Variants in CPXM2 observed in about 807,000 individuals in gnomAD.
CPXM2 encodes inactive carboxypeptidase-like protein X2.
A neutral mutation model predicts 86.1 loss-of-function variants in CPXM2; 66 were observed. That is an observed-to-expected ratio of 0.77 (90% CI 0.63 to 0.94). CPXM2 has a LOEUF of 0.94. CPXM2 is among the 40% of genes least tolerant of loss of function. The pLI, the probability that CPXM2 is intolerant of heterozygous loss-of-function variation, is 0.00. For missense variants in CPXM2, 948 were observed against 1,026.3 expected, an observed-to-expected ratio of 0.92 and a Z score of 1.04; for synonymous variants, 388 against 400.2, an observed-to-expected ratio of 0.97 and a Z score of 0.36.
chr10:123,852,754 T>C (rs975137267), intron 3 of CPXM2, among the ~76,000 whole-genome samples: 5 of 152,158 alleles, frequency 3.3e-5, no homozygotes, highest in South Asian at 2.1e-4. Context: ...GCTCAAGCCA[T>C]CCCCTCTGCC....
At chr10:123,877,064 C>T (rs1342959640) in intron 2 of CPXM2, among the ~76,000 whole-genome samples, 2 of 152,170 alleles carry the variant, frequency 1.3e-5, no homozygotes, top group Non-Finnish European at 2.9e-5. Flanking sequence ...AGGCTTAAAG[C>T]TTGGGACACA....
At chr10:123,804,750 C>G (rs1375394481) in intron 4 of CPXM2, among the ~76,000 whole-genome samples, 2 of 152,200 alleles carry the variant, frequency 1.3e-5, no homozygotes, top group Non-Finnish European at 2.9e-5. Flanking sequence ...TAACTGACAT[C>G]CCAGCCTCAT....
At chr10:123,883,543 G>A (rs1048441505) in intron 1 of CPXM2, among the ~76,000 whole-genome samples, 14 of 152,250 alleles carry the variant, frequency 9.2e-5, no homozygotes, top group African/African-American at 3.4e-4. Flanking sequence ...GCCTCACTGA[G>A]CAAGACCTCT....
At chr10:123,851,364 C>T (rs1336288752) in intron 3 of CPXM2, among the ~76,000 whole-genome samples, 1 of 152,230 alleles carries the variant, frequency 6.6e-6, no homozygotes, top group Non-Finnish European at 1.5e-5. Context: ...CAAGCTCCAG[C>T]CTGAGGCAGA....
At chr10:123,793,459 T>G in intron 6 of CPXM2, among the ~76,000 whole-genome samples, 1 of 86,442 alleles carries the variant, frequency 1.2e-5, no homozygotes, top group African/African-American at 6.8e-5. Context: ...CGAGACTCCG[T>G]CTCAAAAAAA....
At chr10:123,888,874 G>T (rs1430977988) in intron 1 of CPXM2, among the ~76,000 whole-genome samples, 1 of 152,174 alleles carries the variant, frequency 6.6e-6, no homozygotes, top group Non-Finnish European at 1.5e-5. Flanking sequence ...TGAGTCTCTA[G>T]ATCTTCCGAA....
At position 123,752,005 on chromosome 10, in the gene CPXM2, C is replaced by T. The variant is rs924171889; in HGVS notation, c.2017+2658G>A. 8 of 985,310 alleles carry T rather than the reference C, an allele frequency of 8.1e-6. No individual in the cohort carries two copies. In the African/African-American group the frequency reaches 1.4e-4, roughly 17 times the overall value. 61.0% of individuals were successfully genotyped at this position (985,310 alleles called of 1,614,324 possible). A position where few individuals can be genotyped will look rare whatever the true frequency, so the allele number is the denominator to read the frequency against. On this transcript the variant is annotated intron_variant, in intron 13 of 13. Transcript: ENST00000241305. ...GGCCCCAGGGTCTTTTTATCTCCCA[C>T]TCAGTTCAAAACTCCCACATTTTCT...
intron 3 of CPXM2, among the ~76,000 whole-genome samples, chr10:123,858,710 G>A (rs1176424625): frequency 6.6e-6 from 1 of 152,146 alleles, no homozygotes; most frequent in Non-Finnish European, 1.5e-5. Context: ...ATAATGCTTG[G>A]AGCTGATTCC....
At position 123,862,651 on chromosome 10, in the gene CPXM2, T is replaced by C. The variant is rs1848877916; in HGVS notation, c.476A>G (p.Tyr159Cys). 1 of 1,614,202 alleles carries C rather than the reference T, an allele frequency of 6.2e-7. No homozygotes were observed. Among genetic ancestry groups the C allele is most frequent in the African/African-American group, 1.3e-5 (1 of 75,052 alleles). Reference protein sequence around the residue: ...FQLHASTVKRYGLGAHRGRLN... With the variant: ...FQLHASTVKRCGLGAHRGRLN... ...TCTCCCTCGATGTGCCCCCAGGCCA[T>C]AGCGCTTCACCGTGGAGGCATGGAG... The change falls in exon 3 of 14, where the codon TAT becomes TGT. Residue 159 changes from tyrosine to cysteine, a missense_variant. Tyr to Cys is a radical substitution (Grantham distance 194). Transcript: ENST00000241305.
intron 4 of CPXM2, among the ~76,000 whole-genome samples, chr10:123,807,705 C>T (rs1012320905): frequency 6.6e-6 from 1 of 152,136 alleles, no homozygotes; most frequent in Non-Finnish European, 1.5e-5. Flanking sequence ...TGAACATAGT[C>T]CTGATCTAAC....
chr10:123,937,657 A>G (rs898134933), intron 2 of CPXM2, among the ~76,000 whole-genome samples: 2 of 152,128 alleles, frequency 1.3e-5, no homozygotes, highest in African/African-American at 4.8e-5. Context: ...TTGAAGCTCA[A>G]ATTCACAATG....
chr10:123,929,122 G>T (rs188328834), intron 2 of CPXM2, among the ~76,000 whole-genome samples: 5 of 152,352 alleles, frequency 3.3e-5, no homozygotes, highest in African/African-American at 1.2e-4. Context: ...GGAGATCAGA[G>T]AAAGGATCTG....
chr10:123,820,552 C>A, intron 4 of CPXM2, among the ~76,000 whole-genome samples: 1 of 152,174 alleles, frequency 6.6e-6, no homozygotes, highest in East Asian at 1.9e-4. Context: ...AACAAATTAT[C>A]AAAAATACAA....
rs541095193 is a variant in CPXM2, at chr10:123,905,360, T to C, written n.175-25051A>G. On this transcript the variant is annotated intron_variant and non_coding_transcript_variant, in intron 2 of 19. Transcript: ENST00000368854. Reference sequence around the variant, plus strand: ...CTGATAAAGCCATGGTCTCAGATAGTGCAGCACAGGGACAGAGCACTGGAC... The same window carrying C: ...CTGATAAAGCCATGGTCTCAGATAGCGCAGCACAGGGACAGAGCACTGGAC... Among the ~76,000 whole-genome samples, 5 of 152,232 alleles carry C rather than the reference T, an allele frequency of 3.3e-5. No homozygotes were observed. The South Asian group carries it at 1.0e-3, about 32-fold the overall frequency.
At chr10:123,906,495 A>T (rs980599137) in intron 2 of CPXM2, among the ~76,000 whole-genome samples, 3 of 152,112 alleles carry the variant, frequency 2.0e-5, no homozygotes. Flanking sequence ...GCTATAAATC[A>T]TGTCAGCTTC....
rs1331125863 is a variant in CPXM2, at chr10:123,778,895, CAAG to C, written c.978+1269_978+1271del. Among the ~76,000 whole-genome samples the C allele has an allele frequency of 5.9e-5, 9 of 152,336 alleles. 1 individual carries two copies. In the South Asian group the frequency reaches 1.0e-3, roughly 18 times the overall value. ...TCTTGATTTCTGAAGAGCAAGACAGCAAGAAGATTTCTTAGCACATCCCACCTC... is the reference window on the plus strand; with the variant it reads ...TCTTGATTTCTGAAGAGCAAGACAGCAAGATTTCTTAGCACATCCCACCTC... On this transcript the variant is annotated intron_variant, in intron 7 of 13. Coordinates refer to ENST00000241305, the MANE Select transcript of CPXM2 (RefSeq NM_198148.3).
intron 3 of CPXM2, among the ~76,000 whole-genome samples, chr10:123,860,584 A>G (rs1393313428): frequency 1.3e-5 from 2 of 152,216 alleles, no homozygotes; most frequent in Non-Finnish European, 2.9e-5. Flanking sequence ...TCTCTTTTTC[A>G]AAGGATAATT....
At chr10:123,889,135 G>A (rs1347878812) in intron 1 of CPXM2, among the ~76,000 whole-genome samples, 1 of 152,226 alleles carries the variant, frequency 6.6e-6, no homozygotes, top group Non-Finnish European at 1.5e-5. Flanking sequence ...ACTAAAGAGA[G>A]TCACTTCCCC....
chr10:123,899,488 A>G (rs1235456476), intron 2 of CPXM2, among the ~76,000 whole-genome samples: 1 of 152,270 alleles, frequency 6.6e-6, no homozygotes, highest in African/African-American at 2.4e-5. Flanking sequence ...CAATGGAAAG[A>G]TACCTATGCT....
Sources: allele counts gnomAD v4.1 joint callset (sites outside exome capture counted in the v4.1 genomes callset), GRCh38; gene constraint gnomAD v4.1.1; transcripts MANE v1.5; gene names NCBI Gene and HGNC (gene_info 2026-07-23, HGNC 2026-07-21).